CR2: variants seen among roughly 807,000 people sequenced by gnomAD.
CR2 encodes the protein complement receptor type 2.
In CR2, 96 loss-of-function variants were observed where a neutral mutation model predicts 123.0. That is an observed-to-expected ratio of 0.78 (90% CI 0.66 to 0.93). The LOEUF (loss-of-function observed/expected upper bound fraction) is 0.93, where lower values mean the gene tolerates loss of function less well. Ranked by LOEUF, CR2 falls within the 40% of genes least tolerant of loss-of-function variation. CR2 has a pLI of 0.00. For missense variants in CR2, 1,258 were observed against 1,361.0 expected, an observed-to-expected ratio of 0.92 and a Z score of 1.19; for synonymous variants, 484 against 469.5, an observed-to-expected ratio of 1.03 and a Z score of -0.40.
intron 1 of CR2, among the ~76,000 whole-genome samples, chr1:207,459,148 C>T (rs1471324618): frequency 5.9e-5 from 9 of 152,048 alleles, no homozygotes; most frequent in African/African-American, 2.2e-4. Flanking sequence ...AAGGATGATG[C>T]CAGTTTGAGG....
At chr1:207,488,052 C>T (rs1179336770) in intron 19 of CR2, among the ~76,000 whole-genome samples, 3 of 152,108 alleles carry the variant, frequency 2.0e-5, no homozygotes, top group Non-Finnish European at 2.9e-5. Flanking sequence ...ACAGAAAGGC[C>T]GACAGGCCAC....
intron 1 of CR2, 73 bp from the exon 2 acceptor site, chr1:207,466,453 G>GATATTTTACCTACATTTGA: frequency 6.5e-7 from 1 of 1,541,214 alleles, no homozygotes; most frequent in Non-Finnish European, 9.0e-7. Context: ...TCTATATTTG[G>GATATTTTACCTACATTTGA]ATATTTTACC....
In CR2 at chr1:207,469,946, C is replaced by T. The variant is rs1401808772; in HGVS notation, c.1069C>T (p.Leu357=). The T allele has an allele frequency of 6.2e-7, 1 of 1,613,978 alleles. No individual in the cohort carries two copies. ...SAVQCPHPQI[L]RGRMVSGQKD... is the part of the protein sequence containing the mutation. Reference sequence around the variant, plus strand: ...GGTTCAGTGTCCACATCCCCAGATCCTAAGAGGCCGAATGGTATCTGGGCA... The same window carrying T: ...GGTTCAGTGTCCACATCCCCAGATCTTAAGAGGCCGAATGGTATCTGGGCA... The change falls in exon 6 of 20, where the codon CTA becomes TTA. Residue 357 remains leucine, a synonymous_variant. Coordinates refer to ENST00000367057, the MANE Select transcript of CR2 (RefSeq NM_001006658.3).
intron 1 of CR2, among the ~76,000 whole-genome samples, chr1:207,461,221 C>T (rs1657957432): frequency 6.6e-6 from 1 of 152,098 alleles, no homozygotes; most frequent in Non-Finnish European, 1.5e-5. Context: ...TGTAATCATC[C>T]TTCAAGGCCC....
chr1:207,473,945 G>T, intron 12 of CR2, 60 bp downstream of exon 12: 1 of 1,489,548 alleles, frequency 6.7e-7, no homozygotes, highest in Non-Finnish European at 9.3e-7. Flanking sequence ...GGATTAACTT[G>T]ACCTTCAACT....
At chr1:207,471,336 A>G in intron 8 of CR2, 87 bp from the exon 9 acceptor site, 1 of 1,081,930 alleles carries the variant, frequency 9.2e-7, no homozygotes, top group Non-Finnish European at 1.4e-6. Context: ...CTTGGCCTGA[A>G]AGTAGTGAGT....
rs201254169 is a variant in CR2 at position 207,475,019 on chromosome 1, G to A, written c.2519G>A (p.Arg840Gln). ...SWSGPSPQCL[R>Q]SPPVTRCPNP... ...AGCGGGCCTTCCCCACAGTGCTTAC[G>A]ATCTCCTCCTGTGACTCGCTGCCCT... The change falls in exon 14 of 20, where the codon CGA (arginine) becomes CAA (glutamine). Residue 840 changes from arginine (R) to glutamine (Q), a missense_variant. Transcript: ENST00000367057. 75 of 1,613,950 alleles carry A rather than the reference G, an allele frequency of 4.6e-5. No individual in the cohort carries two copies. Among genetic ancestry groups the A allele is most frequent in the Admixed American group, 3.3e-5 (2 of 59,974 alleles).
At chr1:207,486,126 G>T (rs1464953643) in intron 19 of CR2, among the ~76,000 whole-genome samples, 1 of 151,358 alleles carries the variant, frequency 6.6e-6, no homozygotes, top group African/African-American at 2.4e-5. Flanking sequence ...AGCTACTCGG[G>T]AGGCTGAGGC....
At chr1:207,478,591 A>T (rs1020267895) in intron 16 of CR2, among the ~76,000 whole-genome samples, 1 of 151,540 alleles carries the variant, frequency 6.6e-6, no homozygotes, top group African/African-American at 2.4e-5. Flanking sequence ...AAGGAAAAGA[A>T]AAAACACAAC....
In CR2 at chr1:207,470,221, T is replaced by C. The variant is rs11117872; in HGVS notation, c.1225+119T>C. Reference sequence around the variant, plus strand: ...TTATACTTCCCTCAAATCTACTACATCTAATCAATATAAATTTTGTAGAGG... The same window carrying C: ...TTATACTTCCCTCAAATCTACTACACCTAATCAATATAAATTTTGTAGAGG... On this transcript the variant is annotated intron_variant, in intron 6 of 19. Coordinates refer to ENST00000367057, the MANE Select transcript of CR2 (RefSeq NM_001006658.3). 4.2e-3 allele frequency: 4,625 copies of C among 1,092,132 alleles called. 130 individuals are homozygous for C. In the African/African-American group the frequency reaches 0.064, roughly 15 times the overall value. 67.7% of individuals were successfully genotyped at this position (1,092,132 alleles called of 1,614,324 possible).
At chr1:207,471,148 T>G in intron 8 of CR2, 61 bp downstream of exon 8, 20 of 1,511,878 alleles carry the variant, frequency 1.3e-5, no homozygotes, top group Middle Eastern at 3.4e-4. Flanking sequence ...CTGCAGGCTC[T>G]ATGTAAGAGT....
At chr1:207,484,902 C>T (rs1407101206) in intron 18 of CR2, among the ~76,000 whole-genome samples, 1 of 152,142 alleles carries the variant, frequency 6.6e-6, no homozygotes, top group Non-Finnish European at 1.5e-5. Context: ...TGCTTCTTTT[C>T]TTCAATTTGG....
chr1:207,473,866 AAT>A lies in CR2; in HGVS notation c.2223_2224del (p.Thr742ValfsTer20). On this transcript the variant is annotated frameshift_variant, in exon 12 of 20. Coordinates refer to ENST00000367057, the MANE Select transcript of CR2 (RefSeq NM_001006658.3). LOFTEE classifies it high-confidence loss of function. Reference sequence around the variant, plus strand: ...AGCTGGTTCACGTGTGGAGCTAGTTAATACGTCCTGCCAAGATGGGTGAGTAT... The same window carrying A: ...AGCTGGTTCACGTGTGGAGCTAGTTAACGTCCTGCCAAGATGGGTGAGTAT... ...LPAGSRVELV[N>X]TSCQDGYQLT... The A allele has an allele frequency of 6.2e-7, 1 of 1,613,860 alleles. No homozygotes were observed. Among genetic ancestry groups the A allele is most frequent in the Non-Finnish European group, 8.5e-7 (1 of 1,179,848 alleles).
chr1:207,473,572 A>G lies in CR2; in HGVS notation c.2006A>G (p.His669Arg), dbSNP rs139230275. Residue 669 changes from histidine to arginine, a missense_variant, in exon 11 of 20, where the codon CAT becomes CGT. His to Arg is a conservative substitution (Grantham distance 29, BLOSUM62 0). Coordinates refer to ENST00000367057, the MANE Select transcript of CR2 (RefSeq NM_001006658.3). ...KGCQSPPGLHHGRHTGGNTVF... is the reference protein window; with the variant it reads ...KGCQSPPGLHRGRHTGGNTVF... ...TGCCAGTCACCTCCTGGGCTCCACC[A>G]TGGTCGTCATACAGGTGGAAATACG... 3.2e-4 allele frequency: 509 copies of G among 1,613,894 alleles called. 4 individuals carry two copies. The highest frequency in any genetic ancestry group is 2.3e-3 in the Middle Eastern group (14 of 6,056).
At chr1:207,483,663 G>A (rs150741858) in intron 18 of CR2, among the ~76,000 whole-genome samples, 55 of 152,186 alleles carry the variant, frequency 3.6e-4, no homozygotes, top group African/African-American at 1.3e-3. Flanking sequence ...CTGGATGTGG[G>A]GAGAAGGAGG....
At chr1:207,460,850 C>G (rs1054907648) in intron 1 of CR2, among the ~76,000 whole-genome samples, 10 of 151,858 alleles carry the variant, frequency 6.6e-5, no homozygotes, top group African/African-American at 2.4e-4. Context: ...ACTGAGTTCT[C>G]TTTGGTGGCA....
intron 1 of CR2, among the ~76,000 whole-genome samples, chr1:207,457,679 C>G (rs538980613): frequency 6.6e-6 from 1 of 152,300 alleles, no homozygotes; most frequent in South Asian, 2.1e-4. Context: ...AGTCTTTCAG[C>G]AAAAACTGAT....
Position 207,468,907 on chromosome 1 carries a change from T to G in CR2, c.734+8T>G, listed in dbSNP as rs776548804. ...CTTTTTCTGTGATGAAGGGTGAGTG[T>G]CAGGATTATTTATGAGATTTAATTC... On this transcript the variant is annotated splice_region_variant and intron_variant, in intron 4 of 19. Transcript: ENST00000367057. 2 of 1,612,348 alleles carry G rather than the reference T, an allele frequency of 1.2e-6. No homozygotes were observed. Among genetic ancestry groups the G allele is most frequent in the Non-Finnish European group, 1.7e-6 (2 of 1,178,566 alleles).
At chr1:207,479,312 C>G (rs955730937) in intron 17 of CR2, 32 bp downstream of exon 17, 2 of 1,530,886 alleles carry the variant, frequency 1.3e-6, no homozygotes, top group Non-Finnish European at 1.8e-6. Flanking sequence ...AAGAAAAGCT[C>G]TTATAATATT....
Sources: gnomAD v4.1 joint callset for allele counts (sites outside exome capture counted in the v4.1 genomes callset) on GRCh38, gnomAD v4.1.1 for gene constraint, MANE v1.5 for transcripts, NCBI Gene and HGNC (gene_info 2026-07-23, HGNC 2026-07-21) for gene names.